Variants in SLCO1C1 observed in about 807,000 individuals in gnomAD.
SLCO1C1 encodes OAT-RP-5.
Under a neutral mutation model 76.4 loss-of-function variants are expected in SLCO1C1, and 70 were observed. The observed-to-expected ratio is 0.92, with a 90% CI of 0.76 to 1.12. The LOEUF is 1.12. Ranked by LOEUF, SLCO1C1 falls within the 50% of genes most tolerant of loss-of-function variation. The probability of loss-of-function intolerance (pLI) is 0.00; values close to 1 mark genes in which losing one functional copy is unlikely to be tolerated. For missense variants in SLCO1C1, 912 were observed against 823.8 expected, an observed-to-expected ratio of 1.11 and a Z score of -1.31; for synonymous variants, 306 against 286.1, an observed-to-expected ratio of 1.07 and a Z score of -0.70.
At chr12:20,707,412 C>G (rs1946834611) in intron 4 of SLCO1C1, among the ~76,000 whole-genome samples, 1 of 151,940 alleles carries the variant, frequency 6.6e-6, no homozygotes, top group African/African-American at 2.4e-5. Flanking sequence ...AGCAGTTCCA[C>G]TACTGAAAAA....
chr12:20,703,397 C>T (rs752555612), intron 3 of SLCO1C1, among the ~76,000 whole-genome samples: 16 of 109,704 alleles, frequency 1.5e-4, no homozygotes, highest in Non-Finnish European at 2.8e-4. Flanking sequence ...CTTTGCAACT[C>T]TTAGATTTTT....
intron 9 of SLCO1C1, among the ~76,000 whole-genome samples, chr12:20,731,974 A>G (rs1032041902): frequency 6.6e-6 from 1 of 152,200 alleles, no homozygotes; most frequent in African/African-American, 2.4e-5. Flanking sequence ...AGACAGGTTT[A>G]GAGACATTCA....
In SLCO1C1 at chr12:20,742,400, T is replaced by C. The variant is rs534343770; in HGVS notation, c.1734-905T>C. 8.5e-5 allele frequency among the ~76,000 whole-genome samples: 13 copies of C among 152,140 alleles called. No individual in the cohort carries two copies. The South Asian group carries it at 2.7e-3, about 32-fold the overall frequency. ...ATAATATGTAAGAAGTACTTAGTAGTGTGGTTAACACTCAGTAGTTATATA... is the reference window on the plus strand; with the variant it reads ...ATAATATGTAAGAAGTACTTAGTAGCGTGGTTAACACTCAGTAGTTATATA... On this transcript the variant is annotated intron_variant, in intron 12 of 14. Coordinates refer to ENST00000266509, the MANE Select transcript of SLCO1C1 (RefSeq NM_017435.5).
chr12:20,744,534 A>C (rs1414280108), intron 13 of SLCO1C1, among the ~76,000 whole-genome samples: 1 of 152,116 alleles, frequency 6.6e-6, no homozygotes, highest in Non-Finnish European at 1.5e-5. Flanking sequence ...TTTTCATGGA[A>C]AAATAAATGT....
chr12:20,697,698 T>A (rs1946330629), intron 1 of SLCO1C1, among the ~76,000 whole-genome samples: 1 of 152,066 alleles, frequency 6.6e-6, no homozygotes, highest in African/African-American at 2.4e-5. Context: ...GTAATTTAGG[T>A]GAATAAATTT....
At chr12:20,748,552 T>TAGATATGCTAGAGATATAA (rs1592342357) in intron 13 of SLCO1C1, among the ~76,000 whole-genome samples, 2 of 152,196 alleles carry the variant, frequency 1.3e-5, no homozygotes, top group East Asian at 1.9e-4. Flanking sequence ...TAATCCCTCA[T>TAGATATGCTAGAGATATAA]TCAAATTTCT....
chr12:20,717,648 CTTTTTTTTTTTTTTTTTT>C (rs534946900), intron 7 of SLCO1C1, among the ~76,000 whole-genome samples: 137 of 42,310 alleles, frequency 3.2e-3, no homozygotes, highest in Middle Eastern at 0.014. Flanking sequence ...AACAGCCCTT[CTTTTTTTTTTTTTTTTTT>C]TTTTTTTTTT....
Position 20,752,489 on chromosome 12 carries a change from A to G in SLCO1C1, c.2100A>G (p.Leu700=), listed in dbSNP as rs770911225. The change falls in exon 15 of 15, where the codon CTA becomes CTG. Residue 700 remains leucine, a synonymous_variant. Coordinates refer to ENST00000266509, the MANE Select transcript of SLCO1C1 (RefSeq NM_017435.5). Reference sequence around the variant, plus strand: ...ATTACACTACAAGTGATCATCTGCTACAACCCAACTACTGGCCAGGCAAGG... The same window carrying G: ...ATTACACTACAAGTGATCATCTGCTGCAACCCAACTACTGGCCAGGCAAGG... ...KENYTTSDHL[L]QPNYWPGKET... The G allele has an allele frequency of 2.5e-6, 4 of 1,608,506 alleles. No individual in the cohort carries two copies. Among genetic ancestry groups the G allele is most frequent in the Non-Finnish European group, 3.4e-6 (4 of 1,176,760 alleles).
At chr12:20,717,875 G>A (rs931723362) in intron 7 of SLCO1C1, among the ~76,000 whole-genome samples, 2 of 151,492 alleles carry the variant, frequency 1.3e-5, no homozygotes. Context: ...GCATTTGTCA[G>A]TATTTTTTTA....
rs1565521789 is a variant in SLCO1C1, at chr12:20,723,203, T to G, written c.1135T>G (p.Tyr379Asp). The G allele has an allele frequency of 1.9e-6, 3 of 1,613,998 alleles. No individual in the cohort carries two copies. The change falls in exon 9 of 15, where the codon TAC becomes GAC. Residue 379 changes from tyrosine to aspartate, a missense_variant. Transcript: ENST00000266509. The part of the protein sequence containing the change: ...LFGMVTYKPK[Y>D]IEQQYGQSSS... ...CGGCATGGTGACGTACAAACCAAAG[T>G]ACATTGAGCAGCAGTATGGACAGTC...
intron 12 of SLCO1C1, 34 bp downstream of exon 12, chr12:20,740,402 A>G (rs756947221): frequency 1.3e-6 from 2 of 1,558,396 alleles, no homozygotes; most frequent in African/African-American, 1.4e-5. Context: ...TAATTTTAAC[A>G]CAAGACACAA....
intron 10 of SLCO1C1, among the ~76,000 whole-genome samples, chr12:20,734,392 A>C (rs1948449391): frequency 6.6e-6 from 1 of 152,202 alleles, no homozygotes. Flanking sequence ...TAGTTGTAAC[A>C]ATGAAATGGA....
intron 6 of SLCO1C1, among the ~76,000 whole-genome samples, chr12:20,715,770 A>G (rs1027356782): frequency 2.6e-5 from 4 of 152,192 alleles, no homozygotes; most frequent in African/African-American, 9.6e-5. Flanking sequence ...GCAGGTAGAA[A>G]TGGATAAAGA....
At chr12:20,737,301 G>A (rs757810470) in intron 11 of SLCO1C1, 29 bp downstream of exon 11, 21 of 1,540,702 alleles carry the variant, frequency 1.4e-5, no homozygotes, top group Admixed American at 9.6e-5. Flanking sequence ...AGTATATGGC[G>A]ATGGTCCTGT....
chr12:20,705,734 G>C (rs945834924), intron 3 of SLCO1C1, among the ~76,000 whole-genome samples: 6 of 151,942 alleles, frequency 3.9e-5, no homozygotes, highest in Non-Finnish European at 4.4e-5. Context: ...TAGAAGGATT[G>C]AATTAAAATA....
chr12:20,709,511 G>A (rs915691308), intron 4 of SLCO1C1, among the ~76,000 whole-genome samples: 7 of 152,046 alleles, frequency 4.6e-5, no homozygotes, highest in Non-Finnish European at 1.0e-4. Context: ...AACAGTCAAT[G>A]GTTTCTCTGT....
chr12:20,743,316 C>T lies in SLCO1C1; in HGVS notation c.1745C>T (p.Pro582Leu). The change falls in exon 13 of 15, where the codon CCA becomes CTA. Residue 582 changes from proline to leucine, a missense_variant. Coordinates refer to ENST00000266509, the MANE Select transcript of SLCO1C1 (RefSeq NM_017435.5). ...TTTGTTGATTTTAGGTGCATTAAGC[C>T]ACAGCTTAAGTCTTTTGCCTTGGGT... is the stretch of plus-strand genomic sequence containing the variant. Reference protein sequence around the residue: ...GYILLLRCIKPQLKSFALGIY... With the variant: ...GYILLLRCIKLQLKSFALGIY... The T allele has an allele frequency of 1.9e-6, 3 of 1,611,442 alleles. No individual in the cohort carries two copies. The highest frequency in any genetic ancestry group is 2.5e-6 in the Non-Finnish European group (3 of 1,178,474).
chr12:20,743,436 AT>A, intron 13 of SLCO1C1, 67 bp downstream of exon 13: 2 of 1,311,380 alleles, frequency 1.5e-6, no homozygotes, highest in Non-Finnish European at 2.2e-6. Flanking sequence ...TTTTCTAAAT[AT>A]TTTTACAGAA....
At chr12:20,743,887 T>C (rs758111183) in intron 13 of SLCO1C1, among the ~76,000 whole-genome samples, 1 of 151,954 alleles carries the variant, frequency 6.6e-6, no homozygotes, top group Non-Finnish European at 1.5e-5. Context: ...TTTTTCTGAC[T>C]ACCAAATTTT....
Sources: allele counts gnomAD v4.1 joint callset (sites outside exome capture counted in the v4.1 genomes callset), GRCh38; gene constraint gnomAD v4.1.1; transcripts MANE v1.5; gene names NCBI Gene and HGNC (gene_info 2026-07-23, HGNC 2026-07-21).